ANKS3: variants seen among roughly 807,000 people sequenced by gnomAD.
ANKS3 encodes ankyrin repeat and SAM domain-containing protein 3.
A neutral mutation model predicts 80.7 loss-of-function variants in ANKS3; 62 were observed. That is an observed-to-expected ratio of 0.77 (90% CI 0.63 to 0.95). The LOEUF (loss-of-function observed/expected upper bound fraction) is 0.95. Among genes scored for constraint, ANKS3 ranks in the 40% least tolerant of loss-of-function variants. The pLI is 0.00. For synonymous variants in ANKS3, 489 were observed against 355.3 expected (o/e 1.38, Z -4.23); for missense variants, 1,150 against 883.6 (o/e 1.30, Z -3.82).
At chr16:4,702,324 G>C in intron 8 of ANKS3, 82 bp from the exon 9 acceptor site, 1 of 1,363,070 alleles carries the variant, frequency 7.3e-7, no homozygotes, top group East Asian at 3.0e-5. Context: ...ATGGAGGCAG[G>C]TGACTTCCCA....
chr16:4,722,035 T>A (rs897109610), intron 6 of ANKS3, among the ~76,000 whole-genome samples: 1 of 151,346 alleles, frequency 6.6e-6, no homozygotes, highest in South Asian at 2.1e-4. Flanking sequence ...CATGAGCATG[T>A]GTGGGTGTAT....
At chr16:4,703,422 T>A (rs1291680265) in intron 8 of ANKS3, among the ~76,000 whole-genome samples, 10 of 29,726 alleles carry the variant, frequency 3.4e-4, no homozygotes, top group Non-Finnish European at 7.8e-4. Flanking sequence ...GCCCCCCCAA[T>A]TTTTTTTTTT....
chr16:4,708,121 AT>A (rs549554191), intron 7 of ANKS3, among the ~76,000 whole-genome samples: 2,336 of 43,370 alleles, frequency 0.054, 16 homozygotes, highest in Non-Finnish European at 0.075. Flanking sequence ...TCTGAAAAAA[AT>A]ATATATATAT....
chr16:4,719,154 G>A (rs370278007), intron 6 of ANKS3, among the ~76,000 whole-genome samples: 1 of 152,048 alleles, frequency 6.6e-6, no homozygotes, highest in African/African-American at 2.4e-5. Flanking sequence ...AAGCAACTTA[G>A]TGAGACCCCA....
At chr16:4,712,322 G>A (rs2080537649) in intron 7 of ANKS3, among the ~76,000 whole-genome samples, 1 of 152,100 alleles carries the variant, frequency 6.6e-6, no homozygotes, top group South Asian at 2.1e-4. Flanking sequence ...GGAGGTTGCA[G>A]TGAGCTGAGA....
intron 7 of ANKS3, among the ~76,000 whole-genome samples, chr16:4,708,637 A>C (rs2080326323): frequency 6.6e-6 from 1 of 152,150 alleles, no homozygotes; most frequent in African/African-American, 2.4e-5. Context: ...TATTTAACTT[A>C]AGAAAAAAAG....
In ANKS3 at chr16:4,705,105, C is replaced by T. The variant is rs1156229110; in HGVS notation, c.858G>A (p.Arg286=). The T allele has an allele frequency of 1.2e-6, 2 of 1,612,464 alleles. No individual in the cohort carries two copies. The highest frequency in any genetic ancestry group is 3.3e-5 in the Admixed American group (2 of 60,002). Residue 286 remains arginine (R), a synonymous_variant, in exon 8 of 18, where the codon CGG becomes CGA. Coordinates refer to ENST00000304283, the MANE Select transcript of ANKS3 (RefSeq NM_133450.4). The part of the protein sequence containing the change: ...TGIGLGGRAP[R]PRYEQAPPRG... ...ACGCGGGCCACTCACCATAGCGAGGCCGTGGGGCTCTGCCGCCCAGGCCAA... is the reference window on the plus strand; with the variant it reads ...ACGCGGGCCACTCACCATAGCGAGGTCGTGGGGCTCTGCCGCCCAGGCCAA...
rs766279964 is a variant in ANKS3, at chr16:4,698,847, C to T, written c.1504G>A (p.Asp502Asn). The change falls in exon 13 of 18, where the codon GAC (aspartate) becomes AAC (asparagine). Residue 502 changes from aspartate to asparagine, a missense_variant. Asp to Asn is a conservative substitution (Grantham distance 23). Transcript: ENST00000304283. ...TCCTGCATCTCAGCCTCCAGCCGGTCGGCGTAGGCCAGCTCCAGGGCATCC... is the reference window on the plus strand; with the variant it reads ...TCCTGCATCTCAGCCTCCAGCCGGTTGGCGTAGGCCAGCTCCAGGGCATCC... Reference protein sequence around the residue: ...PGDALELAYADRLEAEMQELA... With the variant: ...PGDALELAYANRLEAEMQELA... 64 of 1,605,982 alleles carry T rather than the reference C, an allele frequency of 4.0e-5. No homozygotes were observed. Among genetic ancestry groups the T allele is most frequent in the Admixed American group, 8.4e-5 (5 of 59,390 alleles).
intron 7 of ANKS3, among the ~76,000 whole-genome samples, chr16:4,710,129 T>G (rs2080406195): frequency 6.6e-6 from 1 of 151,732 alleles, no homozygotes; most frequent in Non-Finnish European, 1.5e-5. Context: ...AGGTTGGGGG[T>G]GGGGAGGTAG....
At chr16:4,717,097 C>T (rs2080843443) in intron 6 of ANKS3, among the ~76,000 whole-genome samples, 2 of 150,902 alleles carry the variant, frequency 1.3e-5, no homozygotes, top group Admixed American at 1.3e-4. Flanking sequence ...CAAAAATTAG[C>T]CGGGCGTGGT....
intron 2 of ANKS3, 51 bp from the exon 3 acceptor site, chr16:4,730,202 G>T (rs1170262555): frequency 7.7e-6 from 11 of 1,428,326 alleles, no homozygotes; most frequent in Non-Finnish European, 1.0e-5. Context: ...TTGTTCCAGG[G>T]CATGAAACAG....
At chr16:4,716,712 C>T (rs2080819117) in intron 6 of ANKS3, among the ~76,000 whole-genome samples, 1 of 151,280 alleles carries the variant, frequency 6.6e-6, no homozygotes, top group South Asian at 2.1e-4. Flanking sequence ...GTCATGAGTT[C>T]GAGACCAGCC....
intron 6 of ANKS3, among the ~76,000 whole-genome samples, chr16:4,717,228 G>A (rs2080849269): frequency 6.6e-6 from 1 of 151,770 alleles, no homozygotes; most frequent in South Asian, 2.1e-4. Flanking sequence ...GGCAACAGAC[G>A]AAGCAAGACT....
At position 4,732,090 on chromosome 16, in the gene ANKS3, G is replaced by A. The variant is rs182398517; in HGVS notation, c.-70-511C>T. 5.2e-4 allele frequency among the ~76,000 whole-genome samples: 79 copies of A among 152,254 alleles called. 1 individual carries two copies. The highest frequency in any genetic ancestry group is 9.6e-4 in the African/African-American group (40 of 41,546). ...GCTAAAGAAACAAGCCACCAATGTGGGAGACGAACACTTCACAGACCCTTG... is the reference window on the plus strand; with the variant it reads ...GCTAAAGAAACAAGCCACCAATGTGAGAGACGAACACTTCACAGACCCTTG... On this transcript the variant is annotated intron_variant, in intron 1 of 17. Transcript: ENST00000304283.
At position 4,727,051 on chromosome 16, in the gene ANKS3, G is replaced by A. The variant is rs753550615; in HGVS notation, c.297C>T (p.Thr99=). ...LEAGVSVNVP[T]PEGQTPLMLA... ...GCATCAGTGGAGTCTGCCCTTCTGG[G>A]GTCGGCACATTCACACTCACCCCCG... Residue 99 remains threonine, a synonymous_variant, in exon 4 of 18, where the codon ACC becomes ACT. Coordinates refer to ENST00000304283, the MANE Select transcript of ANKS3 (RefSeq NM_133450.4). 28 of 1,614,054 alleles carry A rather than the reference G, an allele frequency of 1.7e-5. No individual in the cohort carries two copies. Among genetic ancestry groups the A allele is most frequent in the Non-Finnish European group, 2.0e-5 (24 of 1,180,050 alleles).
chr16:4,724,700 T>C (rs1484499019), intron 6 of ANKS3, 50 bp downstream of exon 6: 8 of 1,522,006 alleles, frequency 5.3e-6, no homozygotes, highest in Admixed American at 1.7e-5. Context: ...AGTAATATGA[T>C]TCCTCATTTG....
Position 4,698,771 on chromosome 16 carries a change from G to GC in ANKS3, c.1551+28dup, listed in dbSNP as rs552380747. 1.3e-3 allele frequency: 2,080 copies of GC among 1,572,838 alleles called. 28 individuals are homozygous for GC. The South Asian group carries it at 0.014, about 10-fold the overall frequency. On this transcript the variant is annotated intron_variant, in intron 13 of 17. Transcript: ENST00000304283. Reference sequence around the variant, plus strand: ...GGAGCCAACTCACGGGTGTCACCCTGCCCCCCCATCCCCCACCCAGCCACT... The same window carrying GC: ...GGAGCCAACTCACGGGTGTCACCCTGCCCCCCCCATCCCCCACCCAGCCACT...
chr16:4,698,800 C>T lies in ANKS3; in HGVS notation c.1551G>A (p.Lys517=). Residue 517 remains lysine, a splice_region_variant and synonymous_variant, in exon 13 of 18, where the codon AAG becomes AAA. Coordinates refer to ENST00000304283, the MANE Select transcript of ANKS3 (RefSeq NM_133450.4). Reference sequence around the variant, plus strand: ...CCCCATCCCCCACCCAGCCACTCACCTTGTGCAGCTGGATGGCGAGCTCCT... The same window carrying T: ...CCCCATCCCCCACCCAGCCACTCACTTTGTGCAGCTGGATGGCGAGCTCCT... The part of the protein sequence containing the change: ...EMQELAIQLH[K]RCEEVEATRG... 1 of 1,604,828 alleles carries T rather than the reference C, an allele frequency of 6.2e-7. No homozygotes were observed. Among genetic ancestry groups the T allele is most frequent in the African/African-American group, 1.3e-5 (1 of 75,008 alleles).
At chr16:4,701,353 C>T in intron 10 of ANKS3, 81 bp downstream of exon 10, 1 of 1,401,824 alleles carries the variant, frequency 7.1e-7, no homozygotes, top group Non-Finnish European at 9.7e-7. Context: ...TACATACATG[C>T]TCATCTTAAA....
Sources: gnomAD v4.1 joint callset for allele counts (sites outside exome capture counted in the v4.1 genomes callset) on GRCh38, gnomAD v4.1.1 for gene constraint, MANE v1.5 for transcripts, NCBI Gene and HGNC (gene_info 2026-07-23, HGNC 2026-07-21) for gene names.